Variants in AGBL4 observed in about 807,000 individuals in gnomAD.
The protein encoded by AGBL4 is cytosolic carboxypeptidase 6.
AGBL4 carries 58 observed loss-of-function variants against 66.4 expected under a neutral mutation model. The observed-to-expected ratio is 0.87, with a 90% CI of 0.71 to 1.09. The LOEUF (loss-of-function observed/expected upper bound fraction) is 1.09, where lower values mean the gene tolerates loss of function less well. Ranked by LOEUF, AGBL4 falls within the 50% of genes least tolerant of loss-of-function variation. AGBL4 has a pLI of 0.00. For missense variants in AGBL4, 579 were observed against 631.0 expected, an observed-to-expected ratio of 0.92 and a Z score of 0.88; for synonymous variants, 234 against 222.9, an observed-to-expected ratio of 1.05 and a Z score of -0.44.
At chr1:49,658,295 A>G (rs1311795784) in intron 3 of AGBL4, among the ~76,000 whole-genome samples, 5 of 152,218 alleles carry the variant, frequency 3.3e-5, no homozygotes, top group African/African-American at 1.2e-4. Context: ...ATGCAAATCA[A>G]AACCACAATG....
chr1:49,334,218 AC>A (rs113880356), intron 3 of AGBL4, among the ~76,000 whole-genome samples: 12,333 of 152,228 alleles, frequency 0.081, 1,621 homozygotes, highest in African/African-American at 0.27. Flanking sequence ...AGATAAGGAA[AC>A]TGAAGCATAA....
intron 11 of AGBL4, among the ~76,000 whole-genome samples, chr1:48,576,396 G>T (rs1005321388): frequency 6.6e-6 from 1 of 152,112 alleles, no homozygotes; most frequent in Non-Finnish European, 1.5e-5. Flanking sequence ...TGCCAAAAAG[G>T]TTGGGGACTG....
intron 3 of AGBL4, among the ~76,000 whole-genome samples, chr1:49,276,128 A>G (rs2148395626): frequency 6.6e-6 from 1 of 152,146 alleles, no homozygotes; most frequent in South Asian, 2.1e-4. Context: ...ATATACACAC[A>G]CACACACACA....
chr1:49,412,630 G>A lies in AGBL4; in HGVS notation c.283-166766C>T, dbSNP rs541732514. Among the ~76,000 whole-genome samples the A allele has an allele frequency of 2.6e-5, 4 of 152,012 alleles. No homozygotes were observed. In the South Asian group the frequency reaches 8.3e-4, roughly 32 times the overall value. On this transcript the variant is annotated intron_variant, in intron 3 of 13. Transcript: ENST00000371839. ...AAAACAAACAAACAAAAAACCAAAT[G>A]TTCTTCCTGTACTCTCCACTGGCCA...
At position 49,710,931 on chromosome 1, in the gene AGBL4, G is replaced by A. The variant is rs559431572; in HGVS notation, c.158-13494C>T. Among the ~76,000 whole-genome samples, 15 of 151,730 alleles carry A rather than the reference G, an allele frequency of 9.9e-5. No individual in the cohort carries two copies. The South Asian group carries it at 3.1e-3, about 32-fold the overall frequency. On this transcript the variant is annotated intron_variant, in intron 2 of 13. Transcript: ENST00000371839. ...AATAAGCAAAAGATCTAAACACTCA[G>A]AAAAAGAAAACAAGATTTATGAGTT... is the stretch of plus-strand genomic sequence containing the variant.
chr1:48,534,437 G>A, intron 13 of AGBL4, 144 bp from the exon 14 acceptor site: 1 of 1,193,092 alleles, frequency 8.4e-7, no homozygotes, highest in South Asian at 1.7e-5. Flanking sequence ...GACACTAAAG[G>A]TGACAAAAAT....
chr1:49,306,099 T>A (rs547062852), intron 3 of AGBL4, among the ~76,000 whole-genome samples: 1 of 152,200 alleles, frequency 6.6e-6, no homozygotes, highest in Non-Finnish European at 1.5e-5. Flanking sequence ...ATCTGAATGG[T>A]TTTATACATA....
chr1:49,368,239 T>C (rs1644277131), intron 3 of AGBL4, among the ~76,000 whole-genome samples: 2 of 152,198 alleles, frequency 1.3e-5, no homozygotes, highest in Non-Finnish European at 2.9e-5. Flanking sequence ...AAGATTTTGT[T>C]TGAAAACCAG....
chr1:48,620,845 T>C (rs1320437056), intron 9 of AGBL4, among the ~76,000 whole-genome samples: 2 of 152,192 alleles, frequency 1.3e-5, no homozygotes, highest in Admixed American at 6.5e-5. Flanking sequence ...GTGGTGTTTT[T>C]TTAATCCTCA....
At position 49,794,170 on chromosome 1, in the gene AGBL4, A is replaced by C. The variant is rs1021531476; in HGVS notation, c.157+57226T>G. On this transcript the variant is annotated intron_variant, in intron 2 of 13. Coordinates refer to ENST00000371839, the MANE Select transcript of AGBL4 (RefSeq NM_032785.4). ...TATTTTGCTCCTTCAGAACACAGGCACTCTGCAAGTTGAAGAGACGGATTC... is the reference window on the plus strand; with the variant it reads ...TATTTTGCTCCTTCAGAACACAGGCCCTCTGCAAGTTGAAGAGACGGATTC... 9.9e-5 allele frequency among the ~76,000 whole-genome samples: 15 copies of C among 152,030 alleles called. No individual in the cohort carries two copies. The East Asian group carries it at 1.4e-3, about 14-fold the overall frequency.
chr1:49,759,459 C>G (rs1652140965), intron 2 of AGBL4, among the ~76,000 whole-genome samples: 1 of 152,096 alleles, frequency 6.6e-6, no homozygotes, highest in Non-Finnish European at 1.5e-5. Flanking sequence ...AAAACAGAAC[C>G]TGGTATCCTG....
chr1:50,020,772 T>C (rs1662388076), intron 1 of AGBL4, among the ~76,000 whole-genome samples: 1 of 152,250 alleles, frequency 6.6e-6, no homozygotes, highest in African/African-American at 2.4e-5. Context: ...AAAGAGTTGT[T>C]ATGAGACTGA....
intron 3 of AGBL4, among the ~76,000 whole-genome samples, chr1:49,390,697 T>A (rs549934223): frequency 6.6e-6 from 1 of 152,318 alleles, no homozygotes; most frequent in East Asian, 1.9e-4. Flanking sequence ...TACCATAGCT[T>A]CTATGCTGCC....
intron 6 of AGBL4, among the ~76,000 whole-genome samples, chr1:48,739,767 T>G (rs1403081757): frequency 6.6e-6 from 1 of 152,232 alleles, no homozygotes; most frequent in Non-Finnish European, 1.5e-5. Context: ...CCCCTCCCCA[T>G]GTTTCCGCTC....
chr1:48,758,128 T>C (rs899118912), intron 6 of AGBL4, among the ~76,000 whole-genome samples: 3 of 152,222 alleles, frequency 2.0e-5, no homozygotes, highest in African/African-American at 7.2e-5. Flanking sequence ...TAAGAACCTA[T>C]TAAGTTCTAT....
At chr1:49,290,915 T>G (rs977557560) in intron 3 of AGBL4, among the ~76,000 whole-genome samples, 22 of 152,034 alleles carry the variant, frequency 1.4e-4, no homozygotes, top group Non-Finnish European at 2.8e-4. Flanking sequence ...GTGGTTGAGG[T>G]AGGAGGATAA....
At chr1:49,156,818 C>A (rs572035510) in intron 4 of AGBL4, among the ~76,000 whole-genome samples, 1 of 152,140 alleles carries the variant, frequency 6.6e-6, no homozygotes, top group African/African-American at 2.4e-5. Context: ...TGGAGACTCA[C>A]AAGAGTTTAG....
chr1:49,742,405 T>C (rs890955914), intron 2 of AGBL4, among the ~76,000 whole-genome samples: 3 of 151,912 alleles, frequency 2.0e-5, no homozygotes, highest in South Asian at 4.2e-4. Flanking sequence ...TAAAAGAGAA[T>C]ACAAACAAAT....
At chr1:48,583,844 G>T (rs546885099) in intron 11 of AGBL4, 1 of 133,338 alleles carries the variant, frequency 7.5e-6, no homozygotes, top group African/African-American at 2.7e-5. Flanking sequence ...CCTCTGTTAT[G>T]AAATGAGAGT....
Sources: allele counts gnomAD v4.1 joint callset (sites outside exome capture counted in the v4.1 genomes callset), GRCh38; gene constraint gnomAD v4.1.1; transcripts MANE v1.5; gene names NCBI Gene and HGNC (gene_info 2026-07-23, HGNC 2026-07-21).